The following CCDC33 variants were observed in gnomAD, a reference collection of about 807,000 sequenced individuals.
The protein encoded by CCDC33 is coiled-coil domain containing 33.
CCDC33 carries 94 observed loss-of-function variants against 91.9 expected under a neutral mutation model. The ratio of observed to expected loss-of-function variants is 1.02; its 90% CI spans 0.87 to 1.21. CCDC33 has a LOEUF of 1.21. Ranked by LOEUF, CCDC33 falls within the 50% of genes most tolerant of loss-of-function variation. The pLI is 0.00. For missense variants in CCDC33, 940 were observed against 935.5 expected, an observed-to-expected ratio of 1.00 and a Z score of -0.06; for synonymous variants, 396 against 374.5, an observed-to-expected ratio of 1.06 and a Z score of -0.66.
Position 74,204,923 on chromosome 15 carries a change from A to T in CCDC33, n.89+1825A>T, listed in dbSNP as rs77232669. On this transcript the variant is annotated intron_variant and non_coding_transcript_variant, in intron 1 of 3. Transcript: ENST00000558645. ...GCACTCCAGCCTGGACAAAAGAGGC[A>T]AACTCCATCTCAAAAAAAAAGAAAG... Among the ~76,000 whole-genome samples, 643 of 149,552 alleles carry T rather than the reference A, an allele frequency of 4.3e-3. 4 individuals carry two copies. The highest frequency in any genetic ancestry group is 0.015 in the African/African-American group (612 of 41,154).
chr15:74,208,165 G>T, intron 1 of CCDC33: 1 of 645,980 alleles, frequency 1.5e-6, no homozygotes, highest in Non-Finnish European at 2.0e-6. Flanking sequence ...AGAGGGCTAG[G>T]CTAGTACTGA....
At chr15:74,251,627 CAG>C (rs2142315190) in intron 2 of CCDC33, among the ~76,000 whole-genome samples, 1 of 152,314 alleles carries the variant, frequency 6.6e-6, no homozygotes, top group South Asian at 2.1e-4. Context: ...TGGGATGGCA[CAG>C]GGGAGGTGGC....
chr15:74,246,617 G>A (rs28878562), intron 2 of CCDC33, among the ~76,000 whole-genome samples: 2,114 of 152,312 alleles, frequency 0.014, 47 homozygotes, highest in African/African-American at 0.049. Flanking sequence ...GCCACAAGGA[G>A]ATAGCACCTC....
At chr15:74,299,923 ACTT>A (rs1176328622) in intron 11 of CCDC33, 1 of 152,060 alleles carries the variant, frequency 6.6e-6, no homozygotes, top group East Asian at 1.9e-4. Context: ...GGCTATTTCT[ACTT>A]CTGACACTTT....
At chr15:74,217,185 C>T (rs909000403), upstream of CCDC33, 1 of 1,034,932 alleles carries the variant, frequency 9.7e-7, no homozygotes, top group Non-Finnish European at 1.2e-6. Context: ...CCTGAGCACC[C>T]AGCCTGCAGG....
At position 74,218,511 on chromosome 15, in the gene CCDC33, G is replaced by A. The variant is rs1227250747; in HGVS notation, c.325G>A (p.Asp109Asn). 4 of 1,285,784 alleles carry A rather than the reference G, an allele frequency of 3.1e-6. No individual in the cohort carries two copies. Among genetic ancestry groups the A allele is most frequent in the Middle Eastern group, 2.1e-4 (1 of 4,700 alleles). The allele number at this position is 1,285,784 out of a possible 1,614,324, so 79.6% of individuals were successfully genotyped here. Residue 109 changes from aspartate to asparagine, a missense_variant, in exon 2 of 3, where the codon GAC (aspartate) becomes AAC (asparagine). Transcript: ENST00000635913. The surrounding 1 kb of genome is among the most constrained non-coding windows in gnomAD (Gnocchi z 4.8). ...CCCTCATCCAGGTTTCTGCAAGAAT[G>A]ACGGGCAGCATGATGCTCAGCTGCA...
intron 2 of CCDC33, among the ~76,000 whole-genome samples, chr15:74,229,166 T>C (rs942243697): frequency 1.6e-4 from 24 of 152,284 alleles, no homozygotes; most frequent in African/African-American, 5.8e-4. Context: ...GTGGCCTAAG[T>C]CTGAAGCTTG....
At chr15:74,260,218 A>C (rs1341756176) in intron 2 of CCDC33, among the ~76,000 whole-genome samples, 2 of 152,218 alleles carry the variant, frequency 1.3e-5, no homozygotes, top group East Asian at 3.9e-4. Context: ...AGCCGGAGGG[A>C]AAAAGGGACC....
In CCDC33 at chr15:74,295,040, G is replaced by T. The variant is rs1476505655; in HGVS notation, c.1096-714G>T. 6.6e-5 allele frequency among the ~76,000 whole-genome samples: 10 copies of T among 152,340 alleles called. No individual in the cohort carries two copies. In the East Asian group the frequency reaches 1.9e-3, roughly 29 times the overall value. Reference sequence around the variant, plus strand: ...GGAGAGACTGTCTGCTTAATGGGTGGTAAGATTGAAGGATGATAGAGGAGA... The same window carrying T: ...GGAGAGACTGTCTGCTTAATGGGTGTTAAGATTGAAGGATGATAGAGGAGA... On this transcript the variant is annotated intron_variant, in intron 10 of 18. Coordinates refer to ENST00000398814, the MANE Select transcript of CCDC33 (RefSeq NM_025055.5).
chr15:74,211,921 T>G (rs1413528558), intron 2 of CCDC33, among the ~76,000 whole-genome samples: 5 of 152,196 alleles, frequency 3.3e-5, no homozygotes, highest in Non-Finnish European at 7.3e-5. Flanking sequence ...CTCTCTCTGT[T>G]GTTTCCTTTT....
upstream of CCDC33, among the ~76,000 whole-genome samples, chr15:74,232,656 G>A (rs1161871451): frequency 1.3e-5 from 2 of 152,214 alleles, no homozygotes; most frequent in Non-Finnish European, 2.9e-5. Context: ...GCAGCTCATA[G>A]CTGTGTGATC....
upstream of CCDC33, among the ~76,000 whole-genome samples, chr15:74,235,020 G>A (rs947202744): frequency 2.6e-5 from 4 of 152,200 alleles, no homozygotes; most frequent in African/African-American, 7.2e-5. Context: ...GGGGAGATGC[G>A]CTCTAGAGAG....
exon 1 of CCDC33, chr15:74,217,282 G>A: frequency 7.9e-7 from 1 of 1,272,664 alleles, no homozygotes; most frequent in South Asian, 1.3e-5. Context: ...ATGGCATTCA[G>A]GGGGCCTGAA....
chr15:74,218,506 A>G lies in CCDC33; in HGVS notation c.320A>G (p.Lys107Arg). ...GTGTTCCCTCATCCAGGTTTCTGCA[A>G]GAATGACGGGCAGCATGATGCTCAG... The change falls in exon 2 of 3, where the codon AAG becomes AGG. Residue 107 changes from lysine to arginine, a missense_variant. Transcript: ENST00000635913. This position sits in a 1 kb window ranked among gnomAD's most constrained non-coding sequence, Gnocchi z 4.8. 7.8e-7 allele frequency: 1 copy of G among 1,284,514 alleles called. No individual in the cohort carries two copies. The highest frequency in any genetic ancestry group is 1.0e-6 in the Non-Finnish European group (1 of 985,720). The allele number at this position is 1,284,514 out of a possible 1,614,324, so 79.6% of individuals were successfully genotyped here. A position where few individuals can be genotyped will look rare whatever the true frequency, so the allele number is the denominator to read the frequency against.
chr15:74,333,251 G>A (rs757400021), intron 16 of CCDC33: 81 of 1,602,226 alleles, frequency 5.1e-5, no homozygotes, highest in Non-Finnish European at 6.2e-5. Flanking sequence ...AGCAGGAGGA[G>A]ACTTGACAGA....
At chr15:74,306,587 G>T (rs188457593) in intron 11 of CCDC33, among the ~76,000 whole-genome samples, 128 of 152,298 alleles carry the variant, frequency 8.4e-4, no homozygotes, top group African/African-American at 3.0e-3. Flanking sequence ...TCACCAAAAG[G>T]CACTGTGGGG....
chr15:74,329,895 A>C (rs1024326141), intron 11 of CCDC33, among the ~76,000 whole-genome samples: 1 of 152,218 alleles, frequency 6.6e-6, no homozygotes, highest in African/African-American at 2.4e-5. Flanking sequence ...TCCATTGCCC[A>C]TAGGCCTCCT....
intron 7 of CCDC33, among the ~76,000 whole-genome samples, chr15:74,276,329 G>A (rs1471618095): frequency 1.1e-4 from 16 of 152,158 alleles, no homozygotes; most frequent in Non-Finnish European, 2.9e-5. Context: ...AACATAGGGT[G>A]GGCCGTGTAA....
intron 11 of CCDC33, among the ~76,000 whole-genome samples, chr15:74,306,570 T>G (rs2059897815): frequency 6.6e-6 from 1 of 152,154 alleles, no homozygotes; most frequent in African/African-American, 2.4e-5. Flanking sequence ...AGGCCTGGCC[T>G]GGGGTCTCAC....
Sources: allele counts gnomAD v4.1 joint callset (sites outside exome capture counted in the v4.1 genomes callset), GRCh38; gene constraint gnomAD v4.1.1; non-coding constraint Gnocchi (gnomAD v3.1); transcripts MANE v1.5; gene names NCBI Gene and HGNC (gene_info 2026-07-23, HGNC 2026-07-21).